The following ACTR3B variants were observed in gnomAD, a reference collection of about 807,000 sequenced individuals.
ACTR3B encodes actin related protein 3B.
In ACTR3B, 8 loss-of-function variants were observed where a neutral mutation model predicts 59.0. The observed-to-expected ratio is 0.14, with a 90% CI of 0.08 to 0.24. The LOEUF is 0.24. Ranked by LOEUF, ACTR3B falls within the 10% of genes least tolerant of loss-of-function variation. The pLI, the probability that ACTR3B is intolerant of heterozygous loss-of-function variation, is 1.00. For synonymous variants in ACTR3B, 148 were observed against 197.9 expected, an observed-to-expected ratio of 0.75 and a Z score of 2.12; for missense variants, 245 against 552.3, an observed-to-expected ratio of 0.44 and a Z score of 5.58.
At chr7:152,837,533 T>A (rs932181795) in intron 9 of ACTR3B, among the ~76,000 whole-genome samples, 4 of 152,270 alleles carry the variant, frequency 2.6e-5, no homozygotes, top group Non-Finnish European at 5.9e-5. Context: ...GCAAGCAAGC[T>A]AGCTAAAGTT....
chr7:152,792,975 G>A (rs1476067010), intron 2 of ACTR3B, among the ~76,000 whole-genome samples: 1 of 150,064 alleles, frequency 6.7e-6, no homozygotes, highest in Non-Finnish European at 1.5e-5. Flanking sequence ...TTTTTTTTTG[G>A]TGTGTATGTG....
At chr7:152,789,504 A>G (rs1301333312) in intron 2 of ACTR3B, among the ~76,000 whole-genome samples, 3 of 150,804 alleles carry the variant, frequency 2.0e-5, no homozygotes, top group Non-Finnish European at 4.4e-5. Context: ...TCTATTTTCT[A>G]ATTCATAATT....
intron 1 of ACTR3B, among the ~76,000 whole-genome samples, chr7:152,763,426 G>GT (rs1371884321): frequency 7.0e-6 from 1 of 143,592 alleles, no homozygotes; most frequent in Non-Finnish European, 1.5e-5. Flanking sequence ...GGTGACTCTT[G>GT]TTTTTTTCTT....
chr7:152,848,460 A>G (rs1798536509), intron 9 of ACTR3B, among the ~76,000 whole-genome samples: 1 of 152,232 alleles, frequency 6.6e-6, no homozygotes, highest in Non-Finnish European at 1.5e-5. Flanking sequence ...ATGAAAAACA[A>G]TAGCAAAAGA....
At chr7:152,850,574 C>T (rs983179514) in intron 9 of ACTR3B, among the ~76,000 whole-genome samples, 2 of 152,270 alleles carry the variant, frequency 1.3e-5, no homozygotes, top group Admixed American at 1.3e-4. Flanking sequence ...TCTTCCTGCT[C>T]TGACTTCACC....
Position 152,784,167 on chromosome 7 carries a change from A to T in ACTR3B, c.100+925A>T, listed in dbSNP as rs557248385. Among the ~76,000 whole-genome samples, 4 of 152,296 alleles carry T rather than the reference A, an allele frequency of 2.6e-5. No individual in the cohort carries two copies. The South Asian group carries it at 6.2e-4, about 24-fold the overall frequency. ...ATTTGGAAACAGTTTTCTAAAGAGT[A>T]GGATGTATTAATCAAGAGAAAGTGA... On this transcript the variant is annotated intron_variant, in intron 2 of 11. Coordinates refer to ENST00000256001, the MANE Select transcript of ACTR3B (RefSeq NM_020445.6).
At chr7:152,829,057 T>TATATATAC (rs1390377342) in intron 9 of ACTR3B, among the ~76,000 whole-genome samples, 8 of 144,774 alleles carry the variant, frequency 5.5e-5, no homozygotes, top group East Asian at 4.0e-4. Context: ...TATATATATA[T>TATATATAC]ACACACACAC....
At chr7:152,811,064 A>T (rs1041374862) in intron 4 of ACTR3B, 4 of 150,482 alleles carry the variant, frequency 2.7e-5, no homozygotes, top group Non-Finnish European at 5.9e-5. Flanking sequence ...GTGTTTAGTG[A>T]TGGGTATTTA....
At chr7:152,818,366 A>G (rs1795876006) in intron 6 of ACTR3B, among the ~76,000 whole-genome samples, 1 of 152,360 alleles carries the variant, frequency 6.6e-6, no homozygotes, top group African/African-American at 2.4e-5. Flanking sequence ...TTTGGATAAA[A>G]TAGACAAATT....
At chr7:152,834,969 A>G (rs1797327690) in intron 9 of ACTR3B, among the ~76,000 whole-genome samples, 1 of 152,102 alleles carries the variant, frequency 6.6e-6, no homozygotes, top group Non-Finnish European at 1.5e-5. Flanking sequence ...AAGACTGCTG[A>G]CCGCCAGAAC....
intron 2 of ACTR3B, among the ~76,000 whole-genome samples, chr7:152,789,064 A>AACAACAACAAC (rs374527960): frequency 0.015 from 2,125 of 137,272 alleles, 7 homozygotes; most frequent in Middle Eastern, 0.033. Context: ...CAGCAACAAC[A>AACAACAACAAC]AACAACAACA....
At chr7:152,778,943 C>CAAAAAAAAAAAAAAA (rs59789390) in intron 1 of ACTR3B, among the ~76,000 whole-genome samples, 2 of 36,798 alleles carry the variant, frequency 5.4e-5, no homozygotes, top group African/African-American at 1.3e-4. Flanking sequence ...ACTGTGTCTC[C>CAAAAAAAAAAAAAAA]AAAAAAAAAA....
chr7:152,763,622 A>G (rs534923247), intron 1 of ACTR3B, among the ~76,000 whole-genome samples: 1 of 152,074 alleles, frequency 6.6e-6, no homozygotes, highest in Non-Finnish European at 1.5e-5. Context: ...ACGGGATTTC[A>G]TCATGTTGCC....
intron 2 of ACTR3B, among the ~76,000 whole-genome samples, chr7:152,796,315 A>G (rs2098216443): frequency 6.6e-6 from 1 of 152,110 alleles, no homozygotes. Flanking sequence ...GAAATTCTAG[A>G]AGTGGAATTG....
intron 4 of ACTR3B, among the ~76,000 whole-genome samples, chr7:152,804,990 C>A (rs1171903333): frequency 6.6e-6 from 1 of 152,120 alleles, no homozygotes; most frequent in Admixed American, 6.6e-5. Flanking sequence ...GGAGCCCGGG[C>A]AGACATTGTA....
intron 9 of ACTR3B, 69 bp downstream of exon 9, chr7:152,825,191 G>C: frequency 6.7e-7 from 1 of 1,485,074 alleles, no homozygotes; most frequent in Non-Finnish European, 9.2e-7. Flanking sequence ...CTTAGAAGAC[G>C]GTATTACTGT....
Position 152,854,774 on chromosome 7 carries a change from A to C in ACTR3B, c.*221A>C. On this transcript the variant is annotated 3_prime_UTR_variant, in exon 12 of 12. Transcript: ENST00000256001. The surrounding 1 kb of genome is among the most constrained non-coding windows in gnomAD (Gnocchi z 4.9). Reference sequence around the variant, plus strand: ...GCCTCCTCCTTCTCCCGCCCTCCTCACCCTCGCTCTCCCTCCTCCTCCTCC... The same window carrying C: ...GCCTCCTCCTTCTCCCGCCCTCCTCCCCCTCGCTCTCCCTCCTCCTCCTCC... 2 of 496,714 alleles carry C rather than the reference A, an allele frequency of 4.0e-6. No homozygotes were observed. The highest frequency in any genetic ancestry group is 2.9e-5 in the South Asian group (1 of 35,036). 30.8% of individuals were successfully genotyped at this position (496,714 alleles called of 1,614,324 possible). A position where few individuals can be genotyped will look rare whatever the true frequency, so the allele number is the denominator to read the frequency against.
intron 2 of ACTR3B, among the ~76,000 whole-genome samples, chr7:152,794,461 C>A (rs62494358): frequency 0.5 from 73,842 of 147,752 alleles, 18,718 homozygotes; most frequent in East Asian, 0.7. Context: ...TGTGATCTGC[C>A]CACCTCAGCC....
intron 6 of ACTR3B, among the ~76,000 whole-genome samples, chr7:152,817,138 A>T (rs1468065536): frequency 1.3e-5 from 2 of 152,046 alleles, no homozygotes; most frequent in Non-Finnish European, 2.9e-5. Context: ...TAATCCCAGC[A>T]CTTTGGGAGG....
Sources: allele counts gnomAD v4.1 joint callset (sites outside exome capture counted in the v4.1 genomes callset), GRCh38; gene constraint gnomAD v4.1.1; non-coding constraint Gnocchi (gnomAD v3.1); transcripts MANE v1.5; gene names NCBI Gene and HGNC (gene_info 2026-07-23, HGNC 2026-07-21).